Variants in PDE11A observed in about 807,000 individuals in gnomAD.
PDE11A encodes the protein dual 3',5'-cyclic-AMP and -GMP phosphodiesterase 11A.
A neutral mutation model predicts 100.5 loss-of-function variants in PDE11A; 100 were observed. The observed-to-expected ratio is 1.00, with a 90% CI of 0.85 to 1.18. The LOEUF is 1.18. Among genes scored for constraint, PDE11A ranks in the 50% most tolerant of loss-of-function variants. The pLI, the probability that PDE11A is intolerant of heterozygous loss-of-function variation, is 0.00. For synonymous variants in PDE11A, 381 were observed against 420.8 expected (o/e 0.91, Z 1.16); for missense variants, 1,141 against 1,152.6 (o/e 0.99, Z 0.15).
chr2:177,823,345 G>T (rs918435163), intron 6 of PDE11A, among the ~76,000 whole-genome samples: 2 of 152,122 alleles, frequency 1.3e-5, no homozygotes, highest in African/African-American at 4.8e-5. Flanking sequence ...CTATTGGAAA[G>T]ACAACAATTC....
chr2:177,733,203 T>G (rs1338593691), intron 10 of PDE11A, among the ~76,000 whole-genome samples: 1 of 152,244 alleles, frequency 6.6e-6, no homozygotes, highest in Non-Finnish European at 1.5e-5. Context: ...TAAGGTGTCA[T>G]ATCCCTAAAT....
chr2:177,780,211 C>T (rs2082434383), intron 9 of PDE11A, among the ~76,000 whole-genome samples: 1 of 152,066 alleles, frequency 6.6e-6, no homozygotes, highest in Admixed American at 6.6e-5. Context: ...CTTTGCTGTT[C>T]CATTTATAGT....
chr2:177,732,333 G>T (rs2081703832), intron 10 of PDE11A, among the ~76,000 whole-genome samples: 1 of 152,228 alleles, frequency 6.6e-6, no homozygotes, highest in Non-Finnish European at 1.5e-5. Context: ...AAAGATCTGT[G>T]CTTGTGGTAA....
At chr2:178,017,732 C>T (rs1007209983) in intron 1 of PDE11A, among the ~76,000 whole-genome samples, 10 of 151,972 alleles carry the variant, frequency 6.6e-5, no homozygotes, top group South Asian at 2.1e-4. Context: ...AGGCTGAGGC[C>T]GGCAGATCAC....
At chr2:177,756,398 G>A (rs1209369664) in intron 10 of PDE11A, among the ~76,000 whole-genome samples, 2 of 152,320 alleles carry the variant, frequency 1.3e-5, no homozygotes, top group African/African-American at 4.8e-5. Flanking sequence ...TTGGAGAAAT[G>A]TCATCACAGA....
chr2:178,012,380 A>G (rs1453358349), intron 2 of PDE11A, among the ~76,000 whole-genome samples: 2 of 152,236 alleles, frequency 1.3e-5, no homozygotes, highest in Admixed American at 6.5e-5. Flanking sequence ...ATTTAAAAAA[A>G]TTGTATTTTA....
chr2:177,660,154 TTCTC>T (rs67756876), intron 19 of PDE11A, among the ~76,000 whole-genome samples: 106,809 of 134,924 alleles, frequency 0.79, 43,692 homozygotes, highest in East Asian at 0.91. Flanking sequence ...TCTTTCTTTC[TTCTC>T]TCTCTCTCTC....
At chr2:178,025,052 A>G (rs1325080845) in intron 1 of PDE11A, among the ~76,000 whole-genome samples, 1 of 152,214 alleles carries the variant, frequency 6.6e-6, no homozygotes, top group Non-Finnish European at 1.5e-5. Flanking sequence ...TCCTAATTTG[A>G]TATTTGCTGA....
intron 9 of PDE11A, among the ~76,000 whole-genome samples, chr2:177,815,740 G>A (rs76030472): frequency 0.017 from 2,610 of 152,296 alleles, 38 homozygotes; most frequent in Non-Finnish European, 0.027. Context: ...TCTCAAATCA[G>A]AGCAGTGCAG....
intron 16 of PDE11A, among the ~76,000 whole-genome samples, chr2:177,679,074 C>A (rs2080822318): frequency 8.1e-6 from 1 of 123,726 alleles, no homozygotes; most frequent in African/African-American, 3.4e-5. Context: ...GAATCCAAGG[C>A]TGTAGAGGGT....
intron 1 of PDE11A, chr2:178,018,288 C>G (rs897148419): frequency 1.2e-5 from 5 of 408,658 alleles, no homozygotes; most frequent in African/African-American, 1.0e-4. Flanking sequence ...CCCTCACTCT[C>G]CTTAGTCACT....
At chr2:177,928,104 CAAAAAAAAAA>C (rs59085357) in intron 2 of PDE11A, among the ~76,000 whole-genome samples, 23 of 56,460 alleles carry the variant, frequency 4.1e-4, no homozygotes, top group Non-Finnish European at 6.9e-4. Flanking sequence ...AACTCCATCT[CAAAAAAAAAA>C]AAAAAAAAAA....
chr2:178,088,801 C>G (rs914814890), intron 2 of PDE11A, among the ~76,000 whole-genome samples: 7 of 152,114 alleles, frequency 4.6e-5, no homozygotes, highest in African/African-American at 1.5e-4. Context: ...AAAATACTTA[C>G]TTTTTCAGAG....
intron 10 of PDE11A, 120 bp from the exon 11 acceptor site, chr2:177,728,292 C>G (rs937138492): frequency 2.7e-5 from 21 of 791,236 alleles, no homozygotes; most frequent in Non-Finnish European, 4.1e-5. Flanking sequence ...GCACTTACAC[C>G]CTGATACAGC....
intron 2 of PDE11A, among the ~76,000 whole-genome samples, chr2:178,095,113 C>G (rs1306115090): frequency 6.6e-6 from 1 of 152,114 alleles, no homozygotes; most frequent in Non-Finnish European, 1.5e-5. Context: ...TCTCAACAGT[C>G]CCCCAAAGTC....
At chr2:177,768,902 G>A (rs1428561238) in intron 10 of PDE11A, among the ~76,000 whole-genome samples, 3 of 152,180 alleles carry the variant, frequency 2.0e-5, no homozygotes, top group African/African-American at 7.2e-5. Context: ...GCTTGGTAGT[G>A]TGTCTGGCAC....
At chr2:177,743,240 A>G (rs2081900332) in intron 10 of PDE11A, among the ~76,000 whole-genome samples, 1 of 152,244 alleles carries the variant, frequency 6.6e-6, no homozygotes, top group Non-Finnish European at 1.5e-5. Context: ...TTAAACTCTC[A>G]TGGTTTTTGT....
chr2:177,892,638 G>C (rs769145875), intron 4 of PDE11A, among the ~76,000 whole-genome samples: 1 of 152,240 alleles, frequency 6.6e-6, no homozygotes, highest in African/African-American at 2.4e-5. Flanking sequence ...TCACCAAGGA[G>C]ACATGCACCT....
intron 10 of PDE11A, among the ~76,000 whole-genome samples, chr2:177,767,753 T>G (rs1399721907): frequency 1.3e-5 from 2 of 152,204 alleles, no homozygotes. Flanking sequence ...TCAGATGTAT[T>G]TATTCATTCA....
Sources: gnomAD v4.1 joint callset for allele counts (sites outside exome capture counted in the v4.1 genomes callset) on GRCh38, gnomAD v4.1.1 for gene constraint, MANE v1.5 for transcripts, NCBI Gene and HGNC (gene_info 2026-07-23, HGNC 2026-07-21) for gene names.